The following SAMTOR variants were observed in gnomAD, a reference collection of about 807,000 sequenced individuals.
SAMTOR encodes the protein UPF0532 protein C7orf60.
the SAMTOR span, among the ~76,000 whole-genome samples, chr7:112,888,294 T>A: frequency 6.6e-6 from 1 of 152,184 alleles, no homozygotes; most frequent in Non-Finnish European, 1.5e-5. Context: ...GAAGGCATAC[T>A]CTGTATAATG....
At chr7:112,891,284 A>G in the SAMTOR span, among the ~76,000 whole-genome samples, 2 of 152,326 alleles carry the variant, frequency 1.3e-5, no homozygotes, top group Admixed American at 1.3e-4. Flanking sequence ...ACCTTTGAAT[A>G]AAGGTAAAGA....
chr7:112,881,490 C>T, the SAMTOR span, among the ~76,000 whole-genome samples: 1 of 152,180 alleles, frequency 6.6e-6, no homozygotes, highest in African/African-American at 2.4e-5. Context: ...TCCATAAAAA[C>T]CCTTGACTCA....
the SAMTOR span, among the ~76,000 whole-genome samples, chr7:112,901,780 T>TA: frequency 6.6e-6 from 1 of 152,176 alleles, no homozygotes; most frequent in Admixed American, 6.5e-5. Flanking sequence ...TCAAAGAAGA[T>TA]ACACAGAGTG....
the SAMTOR span, among the ~76,000 whole-genome samples, chr7:112,906,130 T>C: frequency 6.6e-6 from 1 of 152,190 alleles, no homozygotes; most frequent in East Asian, 1.9e-4. Flanking sequence ...AATGGGGATA[T>C]GTCCCAAGAA....
the SAMTOR span, among the ~76,000 whole-genome samples, chr7:112,912,605 T>C: frequency 6.6e-6 from 1 of 152,194 alleles, no homozygotes; most frequent in Middle Eastern, 3.4e-3. Flanking sequence ...ACAATATTGT[T>C]TCAAAGTCTT....
chr7:112,922,420 G>T, the SAMTOR span, among the ~76,000 whole-genome samples: 1 of 150,806 alleles, frequency 6.6e-6, no homozygotes, highest in African/African-American at 2.4e-5. Flanking sequence ...GCCGCCCATC[G>T]TCTGGGATGT....
chr7:112,937,529 C>T, the SAMTOR span, among the ~76,000 whole-genome samples: 1 of 151,534 alleles, frequency 6.6e-6, no homozygotes, highest in African/African-American at 2.4e-5. Context: ...ATTATGTGCA[C>T]AGAGTTTTTC....
the SAMTOR span, among the ~76,000 whole-genome samples, chr7:112,846,491 G>C: frequency 1.3e-5 from 2 of 152,066 alleles, no homozygotes; most frequent in Non-Finnish European, 2.9e-5. Context: ...GTGTTCTCCT[G>C]AGCCTAAAAT....
the SAMTOR span, among the ~76,000 whole-genome samples, chr7:112,882,951 A>G: frequency 1.3e-5 from 2 of 152,200 alleles, no homozygotes; most frequent in African/African-American, 4.8e-5. Flanking sequence ...ATTAAAGAGG[A>G]TATTAAAAAA....
At chr7:112,825,507 T>C in the SAMTOR span, among the ~76,000 whole-genome samples, 2 of 152,222 alleles carry the variant, frequency 1.3e-5, no homozygotes, top group African/African-American at 2.4e-5. Context: ...TGCTAGTATA[T>C]ACACACAAAT....
the SAMTOR span, among the ~76,000 whole-genome samples, chr7:112,922,622 G>T: frequency 2.6e-5 from 4 of 151,912 alleles, no homozygotes; most frequent in African/African-American, 7.3e-5. Context: ...CGTCTGGGAT[G>T]TGAGGAGCAC....
the SAMTOR span, among the ~76,000 whole-genome samples, chr7:112,852,699 G>A: frequency 1.8e-3 from 277 of 151,798 alleles, no homozygotes; most frequent in African/African-American, 6.1e-3. Flanking sequence ...AACTTGCAGC[G>A]GTAAATTATT....
At chr7:112,864,399 C>A in the SAMTOR span, among the ~76,000 whole-genome samples, 1 of 152,196 alleles carries the variant, frequency 6.6e-6, no homozygotes, top group East Asian at 1.9e-4. Context: ...AAAAAAAAAT[C>A]TGGCATTTGG....
the SAMTOR span, among the ~76,000 whole-genome samples, chr7:112,880,356 C>A: frequency 7.2e-5 from 11 of 152,086 alleles, no homozygotes; most frequent in Admixed American, 5.2e-4. Context: ...TACAGTATTT[C>A]TTTTATAGAA....
chr7:112,882,657 C>G, the SAMTOR span, among the ~76,000 whole-genome samples: 1 of 151,818 alleles, frequency 6.6e-6, no homozygotes, highest in East Asian at 1.9e-4. Flanking sequence ...CCACTGCACT[C>G]CAGCCTGCCA....
At chr7:112,844,775 T>C in the SAMTOR span, among the ~76,000 whole-genome samples, 1 of 151,958 alleles carries the variant, frequency 6.6e-6, no homozygotes, top group East Asian at 1.9e-4. Context: ...CCTAGAAAAG[T>C]ACCCAAATTG....
the SAMTOR span, among the ~76,000 whole-genome samples, chr7:112,912,692 T>G: frequency 2.4e-4 from 36 of 151,618 alleles, no homozygotes; most frequent in African/African-American, 8.7e-4. Flanking sequence ...AAAAAAAAAA[T>G]AAAGAAATTT....
chr7:112,914,020 T>C, the SAMTOR span, among the ~76,000 whole-genome samples: 1 of 152,206 alleles, frequency 6.6e-6, no homozygotes, highest in Non-Finnish European at 1.5e-5. Flanking sequence ...TCCTAGTGCC[T>C]ATAATATGAC....
chr7:112,908,572 C>A, the SAMTOR span, among the ~76,000 whole-genome samples: 1 of 152,088 alleles, frequency 6.6e-6, no homozygotes, highest in Non-Finnish European at 1.5e-5. Context: ...TGACCAATAC[C>A]AAATACAGTA....
Sources: allele counts gnomAD v4.1 joint callset (sites outside exome capture counted in the v4.1 genomes callset), GRCh38; gene constraint gnomAD v4.1.1; transcripts MANE v1.5; gene names NCBI Gene and HGNC (gene_info 2026-07-23, HGNC 2026-07-21).